BMF: variants seen among roughly 807,000 people sequenced by gnomAD.
The protein encoded by BMF is bcl-2-modifying factor.
BMF carries 10 observed loss-of-function variants against 22.0 expected under a neutral mutation model. The observed-to-expected ratio is 0.45, with a 90% CI of 0.28 to 0.77. The LOEUF (loss-of-function observed/expected upper bound fraction) is 0.77, where lower values mean the gene tolerates loss of function less well. BMF is among the 30% of genes least tolerant of loss of function. BMF has a pLI of 0.13. For missense variants in BMF, 206 were observed against 226.8 expected (o/e 0.91, Z 0.59); for synonymous variants, 87 against 88.1 (o/e 0.99, Z 0.07).
chr15:40,105,754 C>T (rs1319314288), intron 3 of BMF, 41 bp downstream of exon 3: 2 of 1,534,864 alleles, frequency 1.3e-6, no homozygotes, highest in Admixed American at 4.0e-5. Flanking sequence ...CTCTTTTCCC[C>T]CAGTCTCTAT....
rs71658279 is a variant in BMF at position 40,106,517 on chromosome 15, A to AACACACACAC, written c.-5-436_-5-427dup. On this transcript the variant is annotated intron_variant, in intron 2 of 4. Coordinates refer to ENST00000354670, the MANE Select transcript of BMF (RefSeq NM_001003940.2). The surrounding 1 kb of genome is among the most constrained non-coding windows in gnomAD (Gnocchi z 4.1). ...GACTGGCTATACATACAGTGCTCAC[A>AACACACACAC]ACACACACACACACACACACACACA... 3,944 of 135,974 alleles carry AACACACACAC rather than the reference A, an allele frequency of 0.029. 108 individuals carry two copies. Among genetic ancestry groups the AACACACACAC allele is most frequent in the Middle Eastern group, 0.064 (17 of 266 alleles). 8.4% of individuals were successfully genotyped at this position (135,974 alleles called of 1,614,324 possible).
chr15:40,106,410 G>C lies in BMF; in HGVS notation c.-5-319C>G. On this transcript the variant is annotated intron_variant, in intron 2 of 4. Transcript: ENST00000354670. The surrounding 1 kb of genome is among the most constrained non-coding windows in gnomAD (Gnocchi z 4.1). ...AGGGTTGTGAGCAATAGCAGGAGTA[G>C]AATCAGCAGCTATATGCATGCAGGG... 1 of 274,362 alleles carries C rather than the reference G, an allele frequency of 3.6e-6. No individual in the cohort carries two copies. Among genetic ancestry groups the C allele is most frequent in the Non-Finnish European group, 6.9e-6 (1 of 143,966 alleles). The allele number at this position is 274,362 out of a possible 1,614,324, so 17.0% of individuals were successfully genotyped here.
chr15:40,104,331 C>T lies in BMF; in HGVS notation c.302G>A (p.Gly101Asp). The change falls in exon 4 of 5, where the codon GGC (glycine) becomes GAC (aspartate). Residue 101 changes from glycine to aspartate, a missense_variant. Transcript: ENST00000354670. The part of the protein sequence containing the change: ...EPQRLFYGNA[G>D]YRLPLPASFP... ...ACTGGCAGGGAGAGGAAGCCGATAG[C>T]CAGCATTGCCTGCAAAGATAGAGGA... 2 of 1,614,148 alleles carry T rather than the reference C, an allele frequency of 1.2e-6. No individual in the cohort carries two copies. The highest frequency in any genetic ancestry group is 1.7e-6 in the Non-Finnish European group (2 of 1,180,004).
At chr15:40,096,699 T>C (rs1376738554) in intron 4 of BMF, among the ~76,000 whole-genome samples, 1 of 152,204 alleles carries the variant, frequency 6.6e-6, no homozygotes, top group Non-Finnish European at 1.5e-5. Flanking sequence ...GTGTGTTTAT[T>C]GACATTATGA....
chr15:40,106,053 C>T lies in BMF; in HGVS notation c.34G>A (p.Asp12Asn). ...CCATCCTCTGGTTGGAACACATCAT[C>T]CTCCAGCTCCTCCACACACTGAGAT... ...EPSQCVEELE[D>N]DVFQPEDGEP... The change falls in exon 3 of 5, where the codon GAT becomes AAT. Residue 12 changes from aspartate (D) to asparagine (N), a missense_variant. By Grantham distance (23) the Asp-to-Asn change is conservative. Transcript: ENST00000354670. The surrounding 1 kb of genome is among the most constrained non-coding windows in gnomAD (Gnocchi z 4.1). 1 of 1,611,232 alleles carries T rather than the reference C, an allele frequency of 6.2e-7. No homozygotes were observed. The highest frequency in any genetic ancestry group is 1.7e-5 in the Admixed American group (1 of 59,872).
intron 4 of BMF, among the ~76,000 whole-genome samples, chr15:40,097,139 C>T (rs1567032740): frequency 6.6e-6 from 1 of 151,988 alleles, no homozygotes; most frequent in African/African-American, 2.4e-5. Context: ...GAAATAAGGA[C>T]ATTTTAATGA....
intron 3 of BMF, among the ~76,000 whole-genome samples, chr15:40,105,008 C>T (rs1057478068): frequency 6.6e-6 from 1 of 152,168 alleles, no homozygotes; most frequent in Non-Finnish European, 1.5e-5. Flanking sequence ...TCCCTCTTCC[C>T]CGCCTGCCCG....
At chr15:40,095,734 A>G (rs964384826) in intron 4 of BMF, among the ~76,000 whole-genome samples, 7 of 152,144 alleles carry the variant, frequency 4.6e-5, no homozygotes, top group African/African-American at 1.7e-4. Context: ...AATGGAGGGA[A>G]TGAATAGAGG....
In BMF at chr15:40,091,844, G is replaced by A. The variant is rs1310316084; in HGVS notation, c.498C>T (p.Phe166=). The change falls in exon 5 of 5, where the codon TTC becomes TTT. Residue 166 remains phenylalanine (F), a synonymous_variant. Transcript: ENST00000354670. ...QNRVWWQILL[F]LHNLALNGEE... The stretch of plus-strand genomic sequence containing the variant: ...CTCCATTCAAAGCAAGGTTGTGCAG[G>A]AAGAGGAGGATCTGCCACCACACAC... 1 of 1,611,576 alleles carries A rather than the reference G, an allele frequency of 6.2e-7. No homozygotes were observed. Among genetic ancestry groups the A allele is most frequent in the Non-Finnish European group, 8.5e-7 (1 of 1,179,190 alleles).
intron 4 of BMF, among the ~76,000 whole-genome samples, chr15:40,101,193 G>C (rs2036469146): frequency 6.6e-6 from 1 of 152,200 alleles, no homozygotes; most frequent in South Asian, 2.1e-4. Context: ...GGAGTCCCCT[G>C]CCAGGTGGAG....
Position 40,091,804 on chromosome 15 carries a change from C to G in BMF, c.538G>C (p.Gly180Arg). The part of the protein sequence containing the change: ...LALNGEENRN[G>R]AGPR ...GCCCACCCTCACCTAGGGCCTGCCC[C>G]GTTCCTGTTCTCTTCTCCATTCAAA... The change falls in exon 5 of 5, where the codon GGG becomes CGG. Residue 180 changes from glycine (G) to arginine (R), a missense_variant. Gly to Arg is a moderately radical substitution (Grantham distance 125, BLOSUM62 -2). Coordinates refer to ENST00000354670, the MANE Select transcript of BMF (RefSeq NM_001003940.2). 1 of 1,608,600 alleles carries G rather than the reference C, an allele frequency of 6.2e-7. No homozygotes were observed. The highest frequency in any genetic ancestry group is 8.5e-7 in the Non-Finnish European group (1 of 1,177,922).
At chr15:40,094,096 A>T (rs951917148) in intron 4 of BMF, among the ~76,000 whole-genome samples, 1 of 152,130 alleles carries the variant, frequency 6.6e-6, no homozygotes, top group Admixed American at 6.5e-5. Flanking sequence ...CCTTTACTAA[A>T]TCATCTCAAA....
chr15:40,092,089 A>G (rs1242420182), intron 4 of BMF, among the ~76,000 whole-genome samples: 1 of 152,168 alleles, frequency 6.6e-6, no homozygotes, highest in East Asian at 1.9e-4. Context: ...TCCAAAAACA[A>G]TTGCAGTTTT....
intron 4 of BMF, among the ~76,000 whole-genome samples, chr15:40,100,135 A>G (rs2036446350): frequency 6.6e-6 from 1 of 152,184 alleles, no homozygotes; most frequent in Admixed American, 6.5e-5. Context: ...TGGCTTCTTA[A>G]CATTGCCCAG....
Position 40,105,830 on chromosome 15 carries a change from C to T in BMF, c.257G>A (p.Cys86Tyr), listed in dbSNP as rs1488564127. The change falls in exon 3 of 5, where the codon TGT becomes TAT. Residue 86 changes from cysteine to tyrosine, a missense_variant. Cys to Tyr is a radical substitution (Grantham distance 194, BLOSUM62 -2). Transcript: ENST00000354670. ...TCGCTGGGGTTCCTCAGTCACCCCACAAGGCAGCATGACACCTTGGCTGGG... is the reference window on the plus strand; with the variant it reads ...TCGCTGGGGTTCCTCAGTCACCCCATAAGGCAGCATGACACCTTGGCTGGG... ...ASPSQGVMLP[C>Y]GVTEEPQRLF... 1.9e-6 allele frequency: 3 copies of T among 1,613,450 alleles called. No homozygotes were observed. The highest frequency in any genetic ancestry group is 4.5e-5 in the East Asian group (2 of 44,882).
chr15:40,091,584 C>T lies in BMF; in HGVS notation c.*203G>A, dbSNP rs2036231314. ...CCTTCAACAGTGTTTGACAAAGGCC[C>T]CCATTCCAGGTCAAGGGCCTGACAG... On this transcript the variant is annotated 3_prime_UTR_variant, in exon 5 of 5. Coordinates refer to ENST00000354670, the MANE Select transcript of BMF (RefSeq NM_001003940.2). The T allele has an allele frequency of 3.7e-6, 2 of 535,880 alleles. No individual in the cohort carries two copies. The highest frequency in any genetic ancestry group is 6.7e-6 in the Non-Finnish European group (2 of 299,462). The allele number at this position is 535,880 out of a possible 1,614,324, so 33.2% of individuals were successfully genotyped here. A position where few individuals can be genotyped will look rare whatever the true frequency, so the allele number is the denominator to read the frequency against.
At chr15:40,103,604 C>T (rs1032883851) in intron 4 of BMF, among the ~76,000 whole-genome samples, 2 of 152,216 alleles carry the variant, frequency 1.3e-5, no homozygotes, top group Non-Finnish European at 2.9e-5. Flanking sequence ...GGCTGGCCGC[C>T]GGTCTGGGGA....
intron 4 of BMF, among the ~76,000 whole-genome samples, chr15:40,102,397 C>A (rs182111117): frequency 7.0e-6 from 1 of 143,122 alleles, no homozygotes; most frequent in Admixed American, 7.2e-5. Flanking sequence ...CCACTGCACT[C>A]CAGCCTGGGC....
chr15:40,093,978 C>G (rs1388579491), intron 4 of BMF, among the ~76,000 whole-genome samples: 2 of 152,184 alleles, frequency 1.3e-5, no homozygotes, highest in African/African-American at 4.8e-5. Context: ...GTGGCAGGGA[C>G]TGGACTGAAC....
Sources: gnomAD v4.1 joint callset for allele counts (sites outside exome capture counted in the v4.1 genomes callset) on GRCh38, gnomAD v4.1.1 for gene constraint, Gnocchi (gnomAD v3.1) non-coding constraint, MANE v1.5 for transcripts, NCBI Gene and HGNC (gene_info 2026-07-23, HGNC 2026-07-21) for gene names.